DMD: variants seen among roughly 807,000 people sequenced by gnomAD.
DMD encodes dystrophin, also known as mutant dystrophin.
A neutral mutation model predicts 330.1 loss-of-function variants in DMD; 63 were observed. The ratio of observed to expected loss-of-function variants is 0.19; its 90% CI spans 0.16 to 0.24. The LOEUF is 0.24. Ranked by LOEUF, DMD falls within the 10% of genes least tolerant of loss-of-function variation. DMD has a pLI of 1.00. For missense variants in DMD, 3,344 were observed against 2,684.1 expected (o/e 1.25, Z -5.43); for synonymous variants, 1,223 against 959.8 (o/e 1.27, Z -5.07).
intron 1 of DMD, among the ~76,000 whole-genome samples, chrX:33,053,646 T>C (rs1322619552): frequency 9.1e-6 from 1 of 110,365 alleles, no homozygotes; most frequent in African/African-American, 3.3e-5. Flanking sequence ...ATAGTTACTG[T>C]GGGATGTTGA....
intron 2 of DMD, among the ~76,000 whole-genome samples, chrX:32,928,184 G>A (rs749928843): frequency 6.4e-5 from 7 of 110,028 alleles, no homozygotes; most frequent in Non-Finnish European, 9.5e-5. Context: ...GACTTTATTC[G>A]ATCTCTTTGA....
At chrX:31,404,059 T>C (rs1051947710) in intron 60 of DMD, among the ~76,000 whole-genome samples, 50 of 110,511 alleles carry the variant, frequency 4.5e-4, no homozygotes, top group African/African-American at 1.5e-3. Flanking sequence ...TCCTCCTTTA[T>C]TCCTTCATTT....
At chrX:31,368,283 A>G (rs897667026) in intron 60 of DMD, among the ~76,000 whole-genome samples, 14 of 112,514 alleles carry the variant, frequency 1.2e-4, no homozygotes, top group African/African-American at 4.5e-4. Flanking sequence ...GCTTTGATAG[A>G]AAAACTTCTT....
At chrX:32,174,548 TTG>T (rs2096899473) in intron 44 of DMD, among the ~76,000 whole-genome samples, 1 of 111,852 alleles carries the variant, frequency 8.9e-6, no homozygotes, top group African/African-American at 3.3e-5. Flanking sequence ...AACAGCAGAG[TTG>T]AATAGTTGCA....
At chrX:31,831,377 A>G (rs1440015451) in intron 49 of DMD, among the ~76,000 whole-genome samples, 1 of 112,129 alleles carries the variant, frequency 8.9e-6, no homozygotes, top group African/African-American at 3.2e-5. Flanking sequence ...GACTGCAAAT[A>G]TGGAAATGCT....
At chrX:32,484,785 C>A in intron 21 of DMD, 134 bp downstream of exon 21, 1 of 663,760 alleles carries the variant, frequency 1.5e-6, no homozygotes, top group Non-Finnish European at 2.3e-6. Context: ...GTATTTCGTT[C>A]CTTGTTAATA....
chrX:32,496,449 T>C (rs2043492756), intron 19 of DMD, among the ~76,000 whole-genome samples: 1 of 112,140 alleles, frequency 8.9e-6, no homozygotes, highest in Non-Finnish European at 1.9e-5. Context: ...CTTAAAGTAA[T>C]AGCTTTTAAA....
intron 9 of DMD, among the ~76,000 whole-genome samples, chrX:32,655,117 C>A (rs750497430): frequency 1.8e-5 from 2 of 111,050 alleles, no homozygotes; most frequent in Non-Finnish European, 3.8e-5. Context: ...TTTTAAAGGG[C>A]TTTTTGTGTC....
chrX:33,014,539 A>G (rs2093762758), intron 2 of DMD, among the ~76,000 whole-genome samples: 1 of 111,656 alleles, frequency 9.0e-6, no homozygotes, highest in Admixed American at 9.6e-5. Flanking sequence ...CTGCAGGAAC[A>G]GATTCAACCA....
In DMD at chrX:31,121,567, G is replaced by T. The variant is rs968875146; in HGVS notation, c.*352C>A. ...TAAATTTTTAAACAACCCAAAATGCGTTCCATATAAAGAAATGGCAAGTTA... is the reference window on the plus strand; with the variant it reads ...TAAATTTTTAAACAACCCAAAATGCTTTCCATATAAAGAAATGGCAAGTTA... On this transcript the variant is annotated 3_prime_UTR_variant, in exon 79 of 79. Coordinates refer to ENST00000357033, the MANE Select transcript of DMD (RefSeq NM_004006.3). 2.6e-5 allele frequency: 7 copies of T among 266,075 alleles called. No homozygotes were observed. The South Asian group carries it at 3.1e-4, about 12-fold the overall frequency. The allele number at this position is 266,075 out of a possible 1,213,427, so 21.9% of individuals were successfully genotyped here.
chrX:31,606,741 T>C (rs1321224008), intron 55 of DMD, among the ~76,000 whole-genome samples: 1 of 112,280 alleles, frequency 8.9e-6, no homozygotes, highest in East Asian at 2.8e-4. Flanking sequence ...CAAAACAGCT[T>C]TTGACTTTTT....
chrX:31,627,396 T>C (rs974347745), intron 55 of DMD, among the ~76,000 whole-genome samples: 4 of 112,548 alleles, frequency 3.6e-5, no homozygotes, highest in African/African-American at 1.3e-4. Context: ...GTTATTTCTC[T>C]GAGCAAAGTT....
chrX:31,573,330 A>G (rs1309485201), intron 55 of DMD, among the ~76,000 whole-genome samples: 1 of 111,917 alleles, frequency 8.9e-6, no homozygotes, highest in Non-Finnish European at 1.9e-5. Flanking sequence ...TTTCCTACTA[A>G]TTTTGTAGCT....
chrX:33,258,189 T>C (rs1255852562), intron 1 of DMD, among the ~76,000 whole-genome samples: 3 of 111,635 alleles, frequency 2.7e-5, no homozygotes, highest in African/African-American at 9.7e-5. Flanking sequence ...AATAGCATTA[T>C]GGCTCATTAC....
chrX:31,518,302 C>A (rs1306438794), intron 55 of DMD, among the ~76,000 whole-genome samples: 1 of 111,349 alleles, frequency 9.0e-6, no homozygotes, highest in African/African-American at 3.3e-5. Context: ...GCTGAGTTTT[C>A]TTTTTTTAAT....
In DMD at chrX:32,699,338, T is replaced by A. The variant is rs754081995; in HGVS notation, c.650-45A>T. ...ACACATCAATTTTTGGTTTCTATAT[T>A]TGAGACTCTAAAAGGATAATGAACA... On this transcript the variant is annotated intron_variant, in intron 7 of 78. Coordinates refer to ENST00000357033, the MANE Select transcript of DMD (RefSeq NM_004006.3). 4.0e-6 allele frequency: 4 copies of A among 1,002,501 alleles called. No homozygotes were observed. The Admixed American group carries it at 8.8e-5, about 22-fold the overall frequency. The allele number at this position is 1,002,501 out of a possible 1,213,427, so 82.6% of individuals were successfully genotyped here. A position where few individuals can be genotyped will look rare whatever the true frequency, so the allele number is the denominator to read the frequency against.
chrX:31,504,309 T>C (rs1603275953), intron 56 of DMD, among the ~76,000 whole-genome samples: 1 of 111,741 alleles, frequency 8.9e-6, no homozygotes, highest in African/African-American at 3.2e-5. Flanking sequence ...CACAAGGATA[T>C]CTCTTATGAG....
intron 78 of DMD, among the ~76,000 whole-genome samples, chrX:31,122,325 GATTA>G: frequency 1.8e-5 from 2 of 111,437 alleles, no homozygotes; most frequent in Middle Eastern, 9.2e-3. Flanking sequence ...GTGATTGATT[GATTA>G]CTTACTCTCT....
intron 1 of DMD, among the ~76,000 whole-genome samples, chrX:33,045,321 C>CACACACACACACACACACACAT (rs1289126198): frequency 1.8e-5 from 2 of 108,943 alleles, no homozygotes; most frequent in Non-Finnish European, 3.8e-5. Flanking sequence ...TGCGTACACA[C>CACACACACACACACACACACAT]ACACACACAC....
Sources: gnomAD v4.1 joint callset for allele counts (sites outside exome capture counted in the v4.1 genomes callset) on GRCh38, gnomAD v4.1.1 for gene constraint, MANE v1.5 for transcripts, NCBI Gene and HGNC (gene_info 2026-07-23, HGNC 2026-07-21) for gene names.